The following RBM45 variants were observed in gnomAD, a reference collection of about 807,000 sequenced individuals.
RBM45 encodes RNA binding motif protein 45, also known as RNA-binding protein 45.
Under a neutral mutation model 58.5 loss-of-function variants are expected in RBM45, and 39 were observed. The observed-to-expected ratio is 0.67, with a 90% CI of 0.52 to 0.87. RBM45 has a LOEUF of 0.87. RBM45 is among the 40% of genes least tolerant of loss of function. The pLI, the probability that RBM45 is intolerant of heterozygous loss-of-function variation, is 0.00. For synonymous variants in RBM45, 193 were observed against 203.0 expected (o/e 0.95, Z 0.42); for missense variants, 481 against 581.6 (o/e 0.83, Z 1.78).
At chr2:178,127,994 C>CTT (rs3067447) in intron 9 of RBM45, among the ~76,000 whole-genome samples, 21,264 of 72,520 alleles carry the variant, frequency 0.29, 5,827 homozygotes, top group East Asian at 0.47. Context: ...TCTCTACGCC[C>CTT]TTTTTTTTTT....
rs1420975594 is a variant in RBM45 at position 178,116,284 on chromosome 2, C to T, written c.323C>T (p.Ser108Leu). The change falls in exon 2 of 10, where the codon TCA (serine) becomes TTA (leucine). Residue 108 changes from serine to leucine, a missense_variant. Coordinates refer to ENST00000286070, the MANE Select transcript of RBM45 (RefSeq NM_152945.4). ...TAGGTTTTCATTGCTCAGTCCCGATCATCTGGAAGTCACCGAGATGTTGAA... is the reference window on the plus strand; with the variant it reads ...TAGGTTTTCATTGCTCAGTCCCGATTATCTGGAAGTCACCGAGATGTTGAA... Reference protein sequence around the residue: ...PIKVFIAQSRSSGSHRDVEDE... With the variant: ...PIKVFIAQSRLSGSHRDVEDE... 2 of 1,609,232 alleles carry T rather than the reference C, an allele frequency of 1.2e-6. No individual in the cohort carries two copies. Among genetic ancestry groups the T allele is most frequent in the Non-Finnish European group, 1.7e-6 (2 of 1,178,238 alleles).
rs752243412 is a variant in RBM45 at position 178,116,358 on chromosome 2, G to A, written c.397G>A (p.Glu133Lys). The change falls in exon 2 of 10, where the codon GAA (glutamate) becomes AAA (lysine). Residue 133 changes from glutamate (E) to lysine (K), a missense_variant. Transcript: ENST00000286070. ...TGTTATGATACCAAAGTCCTACACA[G>A]AAGAAGATCTGCGGGAAAAATTTAA... Reference protein sequence around the residue: ...IFVMIPKSYTEEDLREKFKVY... With the variant: ...IFVMIPKSYTKEDLREKFKVY... 4 of 1,605,488 alleles carry A rather than the reference G, an allele frequency of 2.5e-6. No homozygotes were observed. Among genetic ancestry groups the A allele is most frequent in the Non-Finnish European group, 2.5e-6 (3 of 1,177,672 alleles).
rs751673762 is a variant in RBM45 at position 178,112,541 on chromosome 2, A to C, written c.-6A>C. 6.2e-7 allele frequency: 1 copy of C among 1,611,510 alleles called. No homozygotes were observed. The highest frequency in any genetic ancestry group is 1.1e-5 in the South Asian group (1 of 90,856). ...CAGTGAGGCTCCTGCATTCGGGTGG[A>C]GCACCATGGACGAAGCTGGCAGCTC... On this transcript the variant is annotated 5_prime_UTR_variant, in exon 1 of 10. Transcript: ENST00000286070.
intron 1 of RBM45, among the ~76,000 whole-genome samples, chr2:178,114,091 A>T (rs185842641): frequency 3.3e-5 from 5 of 152,344 alleles, no homozygotes; most frequent in African/African-American, 9.6e-5. Flanking sequence ...AGGAATTGGC[A>T]AACTTTTTCT....
intron 3 of RBM45, among the ~76,000 whole-genome samples, chr2:178,118,744 A>G (rs1438297645): frequency 6.6e-6 from 1 of 152,158 alleles, no homozygotes; most frequent in Admixed American, 6.5e-5. Context: ...TTGTTGGTAT[A>G]CTTCTAGTTA....
intron 6 of RBM45, 26 bp from the exon 7 acceptor site, chr2:178,123,802 T>A: frequency 6.2e-7 from 1 of 1,611,240 alleles, no homozygotes; most frequent in Non-Finnish European, 8.5e-7. Flanking sequence ...TTTAGTTTTC[T>A]GTAAATTATC....
At position 178,112,776 on chromosome 2, in the gene RBM45, C is replaced by T. The variant is rs1269077246; in HGVS notation, c.230C>T (p.Ser77Leu). Reference protein sequence around the residue: ...GIAFVKFARSSQACRAMEEMH... With the variant: ...GIAFVKFARSLQACRAMEEMH... ...GCTTTCGTCAAGTTCGCCCGCAGCT[C>T]ACAGGCCTGCAGGGCCATGGAGGAG... The change falls in exon 1 of 10, where the codon TCA (serine) becomes TTA (leucine). Residue 77 changes from serine (S) to leucine (L), a missense_variant. Physicochemically the swap from Ser to Leu is moderately radical, Grantham distance 145. Coordinates refer to ENST00000286070, the MANE Select transcript of RBM45 (RefSeq NM_152945.4). The T allele has an allele frequency of 6.2e-7, 1 of 1,614,020 alleles. No individual in the cohort carries two copies. The highest frequency in any genetic ancestry group is 8.5e-7 in the Non-Finnish European group (1 of 1,180,038).
At chr2:178,116,142 T>G (rs996069418) in intron 1 of RBM45, 120 bp from the exon 2 acceptor site, 2 of 1,314,742 alleles carry the variant, frequency 1.5e-6, no homozygotes, top group Non-Finnish European at 2.0e-6. Context: ...TTTTTTTCTT[T>G]GAGACCCTGT....
downstream of RBM45, among the ~76,000 whole-genome samples, chr2:178,133,485 C>G (rs1451641035): frequency 6.6e-6 from 1 of 152,140 alleles, no homozygotes; most frequent in Admixed American, 6.5e-5. Context: ...CAAAAGGGTA[C>G]AGAAATACCT....
At chr2:178,123,141 C>T (rs535385059) in intron 5 of RBM45, among the ~76,000 whole-genome samples, 106 of 152,246 alleles carry the variant, frequency 7.0e-4, no homozygotes, top group Non-Finnish European at 1.1e-3. Flanking sequence ...CATTTCATTT[C>T]CTACCCAGTA....
chr2:178,130,336 G>C (rs1209291451), downstream of RBM45, among the ~76,000 whole-genome samples: 1 of 152,008 alleles, frequency 6.6e-6, no homozygotes. Flanking sequence ...GACCAGCCTG[G>C]GCAACATAGA....
chr2:178,126,124 T>C lies in RBM45; in HGVS notation c.1373T>C (p.Met458Thr), dbSNP rs2087926196. ...KILNGVRLKV[M>T]LADSPREESN... Reference sequence around the variant, plus strand: ...CTGAATGGGGTGAGACTTAAAGTTATGCTGGCAGATTCGCCAAGAGAAGAA... The same window carrying C: ...CTGAATGGGGTGAGACTTAAAGTTACGCTGGCAGATTCGCCAAGAGAAGAA... The change falls in exon 9 of 10, where the codon ATG becomes ACG. Residue 458 changes from methionine (M) to threonine (T), a missense_variant. Transcript: ENST00000286070. 1 of 1,613,996 alleles carries C rather than the reference T, an allele frequency of 6.2e-7. No individual in the cohort carries two copies. Among genetic ancestry groups the C allele is most frequent in the African/African-American group, 1.3e-5 (1 of 74,932 alleles).
At position 178,121,184 on chromosome 2, in the gene RBM45, A is replaced by G. The variant is rs2087845445; in HGVS notation, c.678A>G (p.Gln226=). 1 of 1,510,854 alleles carries G rather than the reference A, an allele frequency of 6.6e-7. No homozygotes were observed. Among genetic ancestry groups the G allele is most frequent in the Non-Finnish European group, 9.0e-7 (1 of 1,107,506 alleles). The allele number at this position is 1,510,854 out of a possible 1,614,324, so 93.6% of individuals were successfully genotyped here. The change falls in exon 5 of 10, where the codon CAA becomes CAG. Residue 226 remains glutamine, a synonymous_variant. Coordinates refer to ENST00000286070, the MANE Select transcript of RBM45 (RefSeq NM_152945.4). ...CTTTTTTTTATATTGTCGGAGAACA[A>G]CAATCTGAATTTTCAAGTTTTGACA... ...EPRVNMFPFE[Q]QSEFSSFDKN...
chr2:178,134,894 G>A (rs1013622303), intron 3 of RBM45, among the ~76,000 whole-genome samples: 4 of 139,004 alleles, frequency 2.9e-5, no homozygotes, highest in Non-Finnish European at 4.8e-5. Flanking sequence ...AGGCTGAGGC[G>A]AGATAATCTC....
Position 178,127,500 on chromosome 2 carries a change from T to TTCCTC in RBM45, c.*8+1317_*8+1321dup, listed in dbSNP as rs1402871434. ...CTCCTAGAACAGATCACATGATTAGTTCCTCCTTCATAGCTTCATAGAAGG... is the reference window on the plus strand; with the variant it reads ...CTCCTAGAACAGATCACATGATTAGTTCCTCTCCTCCTTCATAGCTTCATAGAAGG... On this transcript the variant is annotated intron_variant, in intron 9 of 9. Coordinates refer to ENST00000286070, the MANE Select transcript of RBM45 (RefSeq NM_152945.4). Among the ~76,000 whole-genome samples the TTCCTC allele has an allele frequency of 3.9e-5, 6 of 152,352 alleles. No individual in the cohort carries two copies. In the South Asian group the frequency reaches 6.2e-4, roughly 16 times the overall value.
At chr2:178,128,933 T>C (rs974892390) in intron 9 of RBM45, among the ~76,000 whole-genome samples, 7 of 152,154 alleles carry the variant, frequency 4.6e-5, no homozygotes, top group African/African-American at 1.4e-4. Context: ...TTGGGGTAGG[T>C]GCACTTTTTT....
intron 4 of RBM45, among the ~76,000 whole-genome samples, chr2:178,120,794 G>T (rs1178278348): frequency 6.6e-6 from 1 of 152,108 alleles, no homozygotes; most frequent in Non-Finnish European, 1.5e-5. Context: ...TAAAATTAGG[G>T]CTACAGAAAG....
intron 3 of RBM45, among the ~76,000 whole-genome samples, chr2:178,120,013 A>G (rs1191602966): frequency 1.3e-5 from 2 of 152,290 alleles, no homozygotes; most frequent in East Asian, 3.9e-4. Context: ...ATGAATGACG[A>G]TGTTATCTGT....
chr2:178,126,670 T>G (rs2087933662), intron 9 of RBM45, among the ~76,000 whole-genome samples: 3 of 152,216 alleles, frequency 2.0e-5, no homozygotes. Context: ...TTGGACCTTT[T>G]GAACCTAAAT....
Sources: gnomAD v4.1 joint callset for allele counts (sites outside exome capture counted in the v4.1 genomes callset) on GRCh38, gnomAD v4.1.1 for gene constraint, MANE v1.5 for transcripts, NCBI Gene and HGNC (gene_info 2026-07-23, HGNC 2026-07-21) for gene names.